The following HOXC5 variants were observed in gnomAD, a reference collection of about 807,000 sequenced individuals.
HOXC5 encodes homeobox C5.
In HOXC5, 19 loss-of-function variants were observed where a neutral mutation model predicts 20.1. The observed-to-expected ratio is 0.94, with a 90% CI of 0.66 to 1.38. HOXC5 has a LOEUF of 1.38. HOXC5 is among the 40% of genes most tolerant of loss of function. HOXC5 has a pLI of 0.00. For missense variants in HOXC5, 330 were observed against 300.1 expected, an observed-to-expected ratio of 1.10 and a Z score of -0.74; for synonymous variants, 124 against 117.0, an observed-to-expected ratio of 1.06 and a Z score of -0.39.
upstream of HOXC5, among the ~76,000 whole-genome samples, chr12:54,029,154 G>A (rs185812647): frequency 6.2e-3 from 944 of 152,286 alleles, 3 homozygotes; most frequent in Non-Finnish European, 0.01. Context: ...GCGGGCTGAG[G>A]GGGCAGGAAC....
upstream of HOXC5, among the ~76,000 whole-genome samples, chr12:54,032,028 A>G (rs912849124): frequency 1.3e-5 from 2 of 152,192 alleles, no homozygotes; most frequent in African/African-American, 4.8e-5. Flanking sequence ...GGAGGCTTCA[A>G]TCTTGCTTCT....
upstream of HOXC5, chr12:54,033,018 C>T: frequency 1.2e-6 from 1 of 844,140 alleles, no homozygotes; most frequent in East Asian, 2.6e-5. Flanking sequence ...ATATCTCCAC[C>T]TATAAATTGT....
At chr12:54,029,951 CAGAA>C (rs2136439860), upstream of HOXC5, 2 of 1,578,014 alleles carry the variant, frequency 1.3e-6, no homozygotes, top group Non-Finnish European at 1.7e-6. Context: ...AGAGGAGAAG[CAGAA>C]AGAGTGACCA....
the HOXC5 span, among the ~76,000 whole-genome samples, chr12:54,025,104 G>T: frequency 1.7e-4 from 26 of 152,144 alleles, no homozygotes; most frequent in African/African-American, 5.1e-4. Flanking sequence ...TGATGGGGTT[G>T]GGGGGTAGTG....
At chr12:54,030,947 G>C (rs4759319), upstream of HOXC5, 1 of 152,198 alleles carries the variant, frequency 6.6e-6, no homozygotes, top group African/African-American at 2.4e-5. Flanking sequence ...GCCTTCCCCG[G>C]AGCCCAGGCG....
chr12:54,017,858 C>A, the HOXC5 span, among the ~76,000 whole-genome samples: 1 of 151,926 alleles, frequency 6.6e-6, no homozygotes, highest in Non-Finnish European at 1.5e-5. Flanking sequence ...GCAAAGTTAG[C>A]CCCCCAACCC....
upstream of HOXC5, among the ~76,000 whole-genome samples, chr12:54,030,978 C>T (rs960639822): frequency 6.6e-6 from 1 of 152,242 alleles, no homozygotes; most frequent in African/African-American, 2.4e-5. Context: ...GCCTTCTGTT[C>T]GTTCTCGCGA....
At chr12:54,028,664 G>A (rs1940841390), upstream of HOXC5, 4 of 1,613,996 alleles carry the variant, frequency 2.5e-6, no homozygotes, top group Non-Finnish European at 1.7e-6. Context: ...GCCCAGAACC[G>A]GATCTACTCG....
At chr12:54,025,681 C>T in the HOXC5 span, among the ~76,000 whole-genome samples, 2 of 152,176 alleles carry the variant, frequency 1.3e-5, no homozygotes, top group Non-Finnish European at 2.9e-5. Flanking sequence ...ATCGGCGAGA[C>T]CTTTCAGTCT....
the HOXC5 span, among the ~76,000 whole-genome samples, chr12:54,023,371 G>A: frequency 6.6e-6 from 1 of 152,230 alleles, no homozygotes; most frequent in African/African-American, 2.4e-5. Flanking sequence ...GCAGCAATAA[G>A]TGAAGTGCTG....
the HOXC5 span, among the ~76,000 whole-genome samples, chr12:54,023,207 T>A: frequency 6.6e-6 from 1 of 152,208 alleles, no homozygotes; most frequent in South Asian, 2.1e-4. Context: ...AAGCCAGAAA[T>A]GATTTTTTCC....
At chr12:54,030,206 A>G (rs1449536185), upstream of HOXC5, 2 of 428,312 alleles carry the variant, frequency 4.7e-6, no homozygotes, top group African/African-American at 3.9e-5. Flanking sequence ...GCTTGTCTAC[A>G]GGCCCTTTTC....
chr12:54,030,164 C>T, upstream of HOXC5: 1 of 525,164 alleles, frequency 1.9e-6, no homozygotes, highest in South Asian at 3.2e-5. Flanking sequence ...CACGCGCCTC[C>T]TCCTCCTCGC....
upstream of HOXC5, among the ~76,000 whole-genome samples, chr12:54,031,705 G>C (rs563860492): frequency 2.0e-5 from 3 of 152,316 alleles, no homozygotes; most frequent in South Asian, 2.1e-4. Context: ...CTCGCCTCCA[G>C]TGCCTCCACC....
At chr12:54,028,597 C>G, upstream of HOXC5, 1 of 1,614,088 alleles carries the variant, frequency 6.2e-7, no homozygotes, top group Non-Finnish European at 8.5e-7. Flanking sequence ...CAACGTCGCC[C>G]TCAATTCCAC....
the HOXC5 span, among the ~76,000 whole-genome samples, chr12:54,026,835 G>T: frequency 6.6e-6 from 1 of 151,966 alleles, no homozygotes; most frequent in African/African-American, 2.4e-5. Flanking sequence ...GCATAGTCCC[G>T]TTTATGGCTT....
the HOXC5 span, among the ~76,000 whole-genome samples, chr12:54,027,210 A>T: frequency 2.6e-5 from 4 of 152,204 alleles, no homozygotes; most frequent in Non-Finnish European, 5.9e-5. Flanking sequence ...TGGGGGAATA[A>T]AATGGGCGTT....
At chr12:54,025,499 T>G in the HOXC5 span, among the ~76,000 whole-genome samples, 1 of 140,510 alleles carries the variant, frequency 7.1e-6, no homozygotes, top group Non-Finnish European at 1.5e-5. Flanking sequence ...GAAGAGGGCT[T>G]CTTCTTTCCT....
the HOXC5 span, among the ~76,000 whole-genome samples, chr12:54,024,277 C>T: frequency 6.6e-6 from 1 of 152,168 alleles, no homozygotes; most frequent in African/African-American, 2.4e-5. Flanking sequence ...CGGTCGCGTC[C>T]AGGCAGCTGA....
Sources: allele counts gnomAD v4.1 joint callset (sites outside exome capture counted in the v4.1 genomes callset), GRCh38; gene constraint gnomAD v4.1.1; transcripts MANE v1.5; gene names NCBI Gene and HGNC (gene_info 2026-07-23, HGNC 2026-07-21).